The following POPDC1 variants were observed in gnomAD, a reference collection of about 807,000 sequenced individuals.
POPDC1 encodes popeye domain-containing protein 1.
chr6:105,113,569 G>A, the POPDC1 span, among the ~76,000 whole-genome samples: 4 of 152,310 alleles, frequency 2.6e-5, no homozygotes, highest in South Asian at 4.2e-4. Context: ...AATCTGCCAC[G>A]ACTGTCTTCC....
the POPDC1 span, chr6:105,129,328 CA>C: frequency 6.8e-7 from 1 of 1,475,316 alleles, no homozygotes; most frequent in Non-Finnish European, 9.2e-7. Flanking sequence ...AAGTACCTTT[CA>C]AAGTTTTAGC....
the POPDC1 span, among the ~76,000 whole-genome samples, chr6:105,126,967 A>C: frequency 1.3e-5 from 2 of 152,348 alleles, no homozygotes; most frequent in South Asian, 4.1e-4. Flanking sequence ...AAAATGGCTT[A>C]ATCATTTCTG....
chr6:105,111,680 G>A, the POPDC1 span, among the ~76,000 whole-genome samples: 1 of 152,168 alleles, frequency 6.6e-6, no homozygotes, highest in Non-Finnish European at 1.5e-5. Flanking sequence ...AATTTGGAGT[G>A]GGAATACAGA....
At chr6:105,127,182 T>C in the POPDC1 span, among the ~76,000 whole-genome samples, 3 of 152,194 alleles carry the variant, frequency 2.0e-5, no homozygotes, top group Non-Finnish European at 2.9e-5. Flanking sequence ...TCCTGCTGTT[T>C]CATTTTGAGG....
chr6:105,132,742 T>C, the POPDC1 span, among the ~76,000 whole-genome samples: 2 of 152,346 alleles, frequency 1.3e-5, no homozygotes, highest in East Asian at 3.9e-4. Flanking sequence ...CAATTTAACT[T>C]GCTTCATCAG....
the POPDC1 span, chr6:105,125,322 A>G: frequency 1.1e-5 from 17 of 1,534,164 alleles, no homozygotes; most frequent in Non-Finnish European, 1.5e-5. Context: ...CCTCCCATTC[A>G]CTTCCTTCCC....
At chr6:105,133,067 C>T in the POPDC1 span, among the ~76,000 whole-genome samples, 4 of 152,174 alleles carry the variant, frequency 2.6e-5, no homozygotes, top group Non-Finnish European at 5.9e-5. Flanking sequence ...TTGAATCACA[C>T]AATTTGGCTT....
chr6:105,098,315 G>A, the POPDC1 span: 1 of 152,114 alleles, frequency 6.6e-6, no homozygotes, highest in African/African-American at 2.4e-5. Context: ...GTCTATATGG[G>A]AGGCTTCTTC....
chr6:105,123,810 G>T, the POPDC1 span, among the ~76,000 whole-genome samples: 1 of 152,192 alleles, frequency 6.6e-6, no homozygotes, highest in African/African-American at 2.4e-5. Flanking sequence ...AAAGAGTTTA[G>T]TGATTACATT....
At chr6:105,133,317 GAA>G in the POPDC1 span, 1 of 1,529,528 alleles carries the variant, frequency 6.5e-7, no homozygotes, top group East Asian at 2.3e-5. Flanking sequence ...GTCAGTTACA[GAA>G]AAGTTACATA....
chr6:105,121,762 A>G, the POPDC1 span, among the ~76,000 whole-genome samples: 137,156 of 152,220 alleles, frequency 0.9, 62,234 homozygotes, highest in Non-Finnish European at 0.96. Context: ...AACACCTGCT[A>G]TGCAATCTCA....
the POPDC1 span, among the ~76,000 whole-genome samples, chr6:105,123,557 C>T: frequency 8.6e-5 from 13 of 151,862 alleles, no homozygotes; most frequent in South Asian, 1.9e-3. Flanking sequence ...CCCACCACCA[C>T]GCCCAGCTAA....
At chr6:105,113,025 G>A in the POPDC1 span, among the ~76,000 whole-genome samples, 4 of 151,332 alleles carry the variant, frequency 2.6e-5, no homozygotes, top group East Asian at 1.9e-4. Flanking sequence ...TGACTTCCCC[G>A]GCTCAAGCAA....
chr6:105,134,370 C>A, the POPDC1 span, among the ~76,000 whole-genome samples: 1 of 152,084 alleles, frequency 6.6e-6, no homozygotes, highest in Non-Finnish European at 1.5e-5. Context: ...ACATTTTACA[C>A]ATGCTTATAT....
chr6:105,118,701 T>C, the POPDC1 span, among the ~76,000 whole-genome samples: 1 of 152,162 alleles, frequency 6.6e-6, no homozygotes, highest in Admixed American at 6.5e-5. Flanking sequence ...CAATAGCACA[T>C]AATGCCACTC....
the POPDC1 span, among the ~76,000 whole-genome samples, chr6:105,109,375 T>C: frequency 1.3e-5 from 2 of 152,122 alleles, no homozygotes; most frequent in Admixed American, 1.3e-4. Flanking sequence ...CTTCATCATA[T>C]TGAGCAGAAA....
the POPDC1 span, among the ~76,000 whole-genome samples, chr6:105,120,852 T>G: frequency 6.6e-6 from 1 of 152,250 alleles, no homozygotes; most frequent in Non-Finnish European, 1.5e-5. Flanking sequence ...GCATGCATCA[T>G]ACTGCATTTC....
At chr6:105,131,355 G>C in the POPDC1 span, among the ~76,000 whole-genome samples, 7 of 152,302 alleles carry the variant, frequency 4.6e-5, no homozygotes, top group East Asian at 1.3e-3. Context: ...TGGAGGACCT[G>C]AATTATAGTC....
the POPDC1 span, among the ~76,000 whole-genome samples, chr6:105,106,478 G>C: frequency 2.6e-5 from 4 of 152,218 alleles, no homozygotes; most frequent in African/African-American, 9.7e-5. Flanking sequence ...GGACAGCAGC[G>C]AGAGTCCTGA....
Sources: gnomAD v4.1 joint callset for allele counts (sites outside exome capture counted in the v4.1 genomes callset) on GRCh38, gnomAD v4.1.1 for gene constraint, MANE v1.5 for transcripts, NCBI Gene and HGNC (gene_info 2026-07-23, HGNC 2026-07-21) for gene names.